The following FLT4 variants were observed in gnomAD, a reference collection of about 807,000 sequenced individuals.
FLT4 encodes vascular endothelial growth factor receptor 3.
A neutral mutation model predicts 163.2 loss-of-function variants in FLT4; 30 were observed. The ratio of observed to expected loss-of-function variants is 0.18; its 90% confidence interval spans 0.14 to 0.25. The LOEUF is 0.25. Ranked by LOEUF, FLT4 falls within the 10% of genes least tolerant of loss-of-function variation. The pLI is 1.00. For missense variants in FLT4, 1,510 were observed against 1,863.8 expected (o/e 0.81, Z 3.50); for synonymous variants, 884 against 789.5 (o/e 1.12, Z -2.01).
chr5:180,646,774 C>G (rs1765514715), intron 1 of FLT4, among the ~76,000 whole-genome samples: 1 of 152,198 alleles, frequency 6.6e-6, no homozygotes, highest in Admixed American at 6.5e-5. Context: ...GGCTCCTTCC[C>G]TGGGTCGGGG....
At chr5:180,627,010 G>A (rs532801646) in intron 8 of FLT4, among the ~76,000 whole-genome samples, 44 of 152,328 alleles carry the variant, frequency 2.9e-4, no homozygotes, top group Middle Eastern at 3.4e-3. Context: ...GCCCCACGAG[G>A]GCAGTGCTGC....
chr5:180,622,001 T>TCC (rs1281762798), intron 12 of FLT4, 97 bp from the exon 13 acceptor site: 7 of 1,498,980 alleles, frequency 4.7e-6, no homozygotes, highest in East Asian at 2.3e-5. Context: ...CCTCCCTCCC[T>TCC]CTCTCCTGGA....
chr5:180,640,752 C>T (rs1019273537), intron 1 of FLT4, among the ~76,000 whole-genome samples: 3 of 152,214 alleles, frequency 2.0e-5, no homozygotes, highest in Admixed American at 1.3e-4. Flanking sequence ...TCCACACCTG[C>T]GTGTCCTGCG....
chr5:180,632,424 A>G (rs4700965), intron 1 of FLT4, among the ~76,000 whole-genome samples: 72,082 of 151,910 alleles, frequency 0.47, 17,708 homozygotes, highest in Admixed American at 0.57. Flanking sequence ...CTCCCTGCCC[A>G]GGCCTCCCTA....
chr5:180,634,989 A>G (rs890769000), intron 1 of FLT4, among the ~76,000 whole-genome samples: 64 of 242 alleles, frequency 0.26, 18 homozygotes, highest in East Asian at 1. Context: ...TGGGTGGCTG[A>G]GAGGATGGAT....
chr5:180,645,850 C>T (rs1765465309), intron 1 of FLT4, among the ~76,000 whole-genome samples: 1 of 152,182 alleles, frequency 6.6e-6, no homozygotes, highest in African/African-American at 2.4e-5. Context: ...GCTGGACACA[C>T]TGACTGAATC....
intron 1 of FLT4, among the ~76,000 whole-genome samples, chr5:180,645,276 G>A (rs1350749858): frequency 1.3e-5 from 2 of 152,366 alleles, no homozygotes; most frequent in South Asian, 2.1e-4. Flanking sequence ...TGAGTGCCCC[G>A]TGGGGGTGGA....
chr5:180,611,037 A>T (rs1320659500), intron 27 of FLT4, among the ~76,000 whole-genome samples: 1 of 152,222 alleles, frequency 6.6e-6, no homozygotes, highest in Non-Finnish European at 1.5e-5. Context: ...AGCCTGGGCG[A>T]CAGAGCGAGA....
intron 12 of FLT4, 64 bp from the exon 13 acceptor site, chr5:180,621,968 G>GC (rs1763183891): frequency 6.3e-7 from 1 of 1,589,632 alleles, no homozygotes; most frequent in African/African-American, 1.4e-5. Context: ...TCCACCTGCC[G>GC]CCCCGGGGTC....
rs1395893411 is a variant in FLT4, at chr5:180,606,920, C to CAA, written c.3893+2046_3893+2047dup. On this transcript the variant is annotated intron_variant, in intron 29 of 29. Coordinates refer to ENST00000261937, the MANE Select transcript of FLT4 (RefSeq NM_182925.5). Reference sequence around the variant, plus strand: ...AAAAAAAAAAAAAAAAAAAAACAAACAAACAAACTTAGCTGGGCGTGGTGG... The same window carrying CAA: ...AAAAAAAAAAAAAAAAAAAAACAAACAAAAACAAACTTAGCTGGGCGTGGTGG... 2.7e-3 allele frequency among the ~76,000 whole-genome samples: 386 copies of CAA among 142,162 alleles called. 2 individuals carry two copies. The highest frequency in any genetic ancestry group is 9.7e-3 in the African/African-American group (361 of 37,166). 93.3% of individuals were successfully genotyped at this position (142,162 alleles called of 152,430 possible). A position where few individuals can be genotyped will look rare whatever the true frequency, so the allele number is the denominator to read the frequency against.
intron 2 of FLT4, among the ~76,000 whole-genome samples, chr5:180,631,222 C>T (rs893388424): frequency 6.6e-6 from 1 of 151,868 alleles, no homozygotes; most frequent in African/African-American, 2.4e-5. Context: ...GCCTGTAATC[C>T]CAGCACTTTG....
chr5:180,611,288 T>C (rs923099344), intron 27 of FLT4, 43 bp downstream of exon 27: 4 of 1,610,534 alleles, frequency 2.5e-6, no homozygotes, highest in Non-Finnish European at 3.4e-6. Context: ...CTTGTCCACA[T>C]GGCTTTCTCC....
At chr5:180,638,018 C>T (rs1184951346) in intron 1 of FLT4, among the ~76,000 whole-genome samples, 1 of 152,168 alleles carries the variant, frequency 6.6e-6, no homozygotes, top group Non-Finnish European at 1.5e-5. Flanking sequence ...CTTATGACCT[C>T]CAGGCTGCAG....
intron 1 of FLT4, among the ~76,000 whole-genome samples, chr5:180,639,652 C>T (rs1764953542): frequency 1.3e-5 from 2 of 152,058 alleles, no homozygotes; most frequent in Non-Finnish European, 2.9e-5. Context: ...CTTGTCAGAC[C>T]CTGTTGTTCC....
At chr5:180,627,466 G>C (rs992956116) in intron 8 of FLT4, among the ~76,000 whole-genome samples, 3 of 152,200 alleles carry the variant, frequency 2.0e-5, no homozygotes, top group African/African-American at 4.8e-5. Context: ...TGCAGCTGTC[G>C]TGAGGTTTAA....
chr5:180,636,149 G>A lies in FLT4; in HGVS notation c.59-4371C>T, dbSNP rs965789179. ...TCACTGCTGAGCAGGACCATCCATCGCGCTTGCCAACCCTTTTGCCCATCC... is the reference window on the plus strand; with the variant it reads ...TCACTGCTGAGCAGGACCATCCATCACGCTTGCCAACCCTTTTGCCCATCC... On this transcript the variant is annotated intron_variant, in intron 1 of 29. Transcript: ENST00000261937. The surrounding 1 kb of genome is among the most constrained non-coding windows in gnomAD (Gnocchi z 4.3). Among the ~76,000 whole-genome samples the A allele has an allele frequency of 2.6e-5, 4 of 151,980 alleles. No homozygotes were observed. The highest frequency in any genetic ancestry group is 2.1e-4 in the South Asian group (1 of 4,830).
chr5:180,643,037 G>A (rs977698915), intron 1 of FLT4, among the ~76,000 whole-genome samples: 3 of 152,218 alleles, frequency 2.0e-5, no homozygotes, highest in Non-Finnish European at 4.4e-5. Context: ...TGACCGTTAA[G>A]ATATTGTCTT....
chr5:180,607,681 A>C (rs1761877979), intron 29 of FLT4, among the ~76,000 whole-genome samples: 1 of 151,652 alleles, frequency 6.6e-6, no homozygotes. Context: ...ATATAAAATA[A>C]AGAAAATAGA....
intron 8 of FLT4, among the ~76,000 whole-genome samples, chr5:180,626,869 G>A (rs947767055): frequency 1.3e-5 from 2 of 152,246 alleles, no homozygotes; most frequent in African/African-American, 4.8e-5. Flanking sequence ...ACTCATTTCT[G>A]TAGCCAGGAA....
Sources: gnomAD v4.1 joint callset for allele counts (sites outside exome capture counted in the v4.1 genomes callset) on GRCh38, gnomAD v4.1.1 for gene constraint, Gnocchi (gnomAD v3.1) non-coding constraint, MANE v1.5 for transcripts, NCBI Gene and HGNC (gene_info 2026-07-23, HGNC 2026-07-21) for gene names.